The following CNTNAP2 variants were observed in gnomAD, a reference collection of about 807,000 sequenced individuals.
CNTNAP2 encodes the protein contactin associated protein 2.
In CNTNAP2, 98 loss-of-function variants were observed where a neutral mutation model predicts 155.2. The observed-to-expected ratio is 0.63, with a 90% CI of 0.54 to 0.75. The LOEUF is 0.75. CNTNAP2 is among the 30% of genes least tolerant of loss of function. CNTNAP2 has a pLI of 0.00. For synonymous variants in CNTNAP2, 651 were observed against 631.2 expected (o/e 1.03, Z -0.47); for missense variants, 1,727 against 1,688.1 (o/e 1.02, Z -0.40).
chr7:146,615,465 C>A (rs2129154951), intron 1 of CNTNAP2, among the ~76,000 whole-genome samples: 1 of 152,304 alleles, frequency 6.6e-6, no homozygotes. Context: ...TATTAAATAT[C>A]TTCTGTGTTT....
intron 13 of CNTNAP2, among the ~76,000 whole-genome samples, chr7:147,861,247 A>G (rs542284136): frequency 2.6e-5 from 4 of 152,320 alleles, no homozygotes; most frequent in African/African-American, 4.8e-5. Flanking sequence ...TTCCAACATA[A>G]TGGTGGTTAT....
chr7:148,208,984 C>T (rs1795498988), intron 18 of CNTNAP2, among the ~76,000 whole-genome samples: 1 of 152,096 alleles, frequency 6.6e-6, no homozygotes, highest in African/African-American at 2.4e-5. Flanking sequence ...CACACTTCTC[C>T]CAGGGAATTC....
chr7:147,700,341 C>T (rs917812467), intron 13 of CNTNAP2, among the ~76,000 whole-genome samples: 5 of 152,106 alleles, frequency 3.3e-5, no homozygotes, highest in African/African-American at 1.2e-4. Context: ...GTGCACTGTT[C>T]CAGGAGGGCT....
chr7:148,045,875 C>T (rs1220056396), intron 15 of CNTNAP2, among the ~76,000 whole-genome samples: 2 of 152,108 alleles, frequency 1.3e-5, no homozygotes, highest in South Asian at 2.1e-4. Context: ...TGGTAAAATA[C>T]GTTTGATACT....
rs1795759286 is a variant in CNTNAP2 at position 148,222,213 on chromosome 7, G to C, written c.3247+4689G>C. On this transcript the variant is annotated intron_variant, in intron 19 of 23. Transcript: ENST00000361727. ...CAGCCAGCACCGCCTGCCTTTATAG[G>C]GTGTCTTATTTTCTGTTGCTTGTAA... is the stretch of plus-strand genomic sequence containing the variant. Among the ~76,000 whole-genome samples, 3 of 152,158 alleles carry C rather than the reference G, an allele frequency of 2.0e-5. No homozygotes were observed. The South Asian group carries it at 6.2e-4, about 32-fold the overall frequency.
In CNTNAP2 at chr7:147,110,804, T is replaced by TTTGCTA. The variant is rs546954316; in HGVS notation, c.754+2458_754+2463dup. Among the ~76,000 whole-genome samples the TTTGCTA allele has an allele frequency of 1.4e-3, 206 of 152,330 alleles. 1 individual carries two copies. Among genetic ancestry groups the TTTGCTA allele is most frequent in the Middle Eastern group, 6.8e-3 (2 of 294 alleles). On this transcript the variant is annotated intron_variant, in intron 5 of 23. Coordinates refer to ENST00000361727, the MANE Select transcript of CNTNAP2 (RefSeq NM_014141.6). ...TGGGCATTTAGGTTGATTTCATGTC[T>TTTGCTA]TTGCTATTGTGAATAGTGCTGCAAT...
At chr7:148,008,378 A>G (rs1173179283) in intron 15 of CNTNAP2, among the ~76,000 whole-genome samples, 2 of 152,174 alleles carry the variant, frequency 1.3e-5, no homozygotes, top group Non-Finnish European at 2.9e-5. Flanking sequence ...TCTCAAACAA[A>G]CAAACAAACA....
Position 147,165,198 on chromosome 7 carries a change from G to C in CNTNAP2, c.1348+32689G>C, listed in dbSNP as rs372750672. On this transcript the variant is annotated intron_variant, in intron 8 of 23. Transcript: ENST00000361727. ...TTTTTCTTTATGGCCATTCTTGCAG[G>C]AGTAAGGGGGTATTGCATTGTGGTT... Among the ~76,000 whole-genome samples, 3 of 152,208 alleles carry C rather than the reference G, an allele frequency of 2.0e-5. No homozygotes were observed. In the South Asian group the frequency reaches 6.2e-4, roughly 32 times the overall value.
chr7:148,385,762 G>GAGAC (rs56333956), intron 22 of CNTNAP2, among the ~76,000 whole-genome samples: 2 of 102,822 alleles, frequency 1.9e-5, no homozygotes, highest in Admixed American at 1.2e-4. Context: ...TTTTTTTTTG[G>GAGAC]AGACAGACAG....
At chr7:146,327,808 A>C (rs2129093909) in intron 1 of CNTNAP2, among the ~76,000 whole-genome samples, 1 of 152,346 alleles carries the variant, frequency 6.6e-6, no homozygotes, top group East Asian at 1.9e-4. Context: ...CCATGAAATA[A>C]ATTGGGCAGG....
intron 15 of CNTNAP2, chr7:148,056,492 A>T (rs1803013029): frequency 6.6e-6 from 1 of 152,202 alleles, no homozygotes. Context: ...TAGCAATTAG[A>T]ATGCTCTCCC....
chr7:146,742,064 TG>T (rs1801727058), intron 1 of CNTNAP2, among the ~76,000 whole-genome samples: 1 of 117,806 alleles, frequency 8.5e-6, no homozygotes, highest in African/African-American at 3.1e-5. Context: ...TTTTAGACTG[TG>T]TTAAAAAAAA....
At chr7:147,962,300 T>C (rs1801130808) in intron 14 of CNTNAP2, among the ~76,000 whole-genome samples, 1 of 152,242 alleles carries the variant, frequency 6.6e-6, no homozygotes. Context: ...AGTTAGAATG[T>C]GTATACTGAA....
chr7:148,205,999 A>C (rs1346304194), intron 18 of CNTNAP2, among the ~76,000 whole-genome samples: 6 of 151,920 alleles, frequency 3.9e-5, no homozygotes, highest in South Asian at 4.1e-4. Flanking sequence ...ACATGAAAAA[A>C]ATATATATAT....
intron 1 of CNTNAP2, among the ~76,000 whole-genome samples, chr7:146,213,072 G>A (rs1046037826): frequency 5.9e-5 from 9 of 152,132 alleles, no homozygotes; most frequent in Non-Finnish European, 1.5e-5. Context: ...TTTTATCAAC[G>A]ACTGGGGAGT....
chr7:147,094,233 G>A (rs1378431745), intron 4 of CNTNAP2, among the ~76,000 whole-genome samples: 1 of 152,076 alleles, frequency 6.6e-6, no homozygotes, highest in Non-Finnish European at 1.5e-5. Flanking sequence ...CATCGGAATG[G>A]CCTTTATCAC....
intron 19 of CNTNAP2, among the ~76,000 whole-genome samples, chr7:148,222,246 C>T (rs1489748860): frequency 3.9e-5 from 6 of 152,302 alleles, no homozygotes; most frequent in South Asian, 2.1e-4. Context: ...TAACAGAATA[C>T]GTGAAACTGG....
chr7:146,949,541 G>A (rs1797266501), intron 3 of CNTNAP2, among the ~76,000 whole-genome samples: 1 of 152,082 alleles, frequency 6.6e-6, no homozygotes, highest in Non-Finnish European at 1.5e-5. Context: ...TGCTAATTTA[G>A]ACAAATTTCC....
At chr7:147,337,406 G>A (rs1356255295) in intron 9 of CNTNAP2, among the ~76,000 whole-genome samples, 1 of 152,116 alleles carries the variant, frequency 6.6e-6, no homozygotes, top group African/African-American at 2.4e-5. Context: ...AATGGGAACA[G>A]AGTTCCAGCC....
Sources: gnomAD v4.1 joint callset for allele counts (sites outside exome capture counted in the v4.1 genomes callset) on GRCh38, gnomAD v4.1.1 for gene constraint, MANE v1.5 for transcripts, NCBI Gene and HGNC (gene_info 2026-07-23, HGNC 2026-07-21) for gene names.